TBC1D5: variants seen among roughly 807,000 people sequenced by gnomAD.
TBC1D5 encodes the protein TBC1 domain family member 5, also known as TBC1 domain family, member 5.
Under a neutral mutation model 100.3 loss-of-function variants are expected in TBC1D5, and 75 were observed. The ratio of observed to expected loss-of-function variants is 0.75; its 90% CI spans 0.62 to 0.91. TBC1D5 has a LOEUF of 0.91. TBC1D5 is among the 40% of genes least tolerant of loss of function. The pLI, the probability that TBC1D5 is intolerant of heterozygous loss-of-function variation, is 0.00. For synonymous variants in TBC1D5, 323 were observed against 325.6 expected, an observed-to-expected ratio of 0.99 and a Z score of 0.09; for missense variants, 910 against 942.4, an observed-to-expected ratio of 0.97 and a Z score of 0.45.
chr3:17,375,658 T>C (rs1444603368), intron 10 of TBC1D5, among the ~76,000 whole-genome samples: 1 of 151,918 alleles, frequency 6.6e-6, no homozygotes, highest in Non-Finnish European at 1.5e-5. Flanking sequence ...TATATGGTTA[T>C]ACTATTGTCA....
intron 2 of TBC1D5, among the ~76,000 whole-genome samples, chr3:17,578,509 T>C (rs1456536057): frequency 6.6e-6 from 1 of 152,046 alleles, no homozygotes; most frequent in Non-Finnish European, 1.5e-5. Context: ...CTTTAATCGG[T>C]GACTTCAATG....
chr3:17,483,911 AT>A (rs2095529244), intron 3 of TBC1D5, among the ~76,000 whole-genome samples: 1 of 152,236 alleles, frequency 6.6e-6, no homozygotes, highest in African/African-American at 2.4e-5. Flanking sequence ...CCCATACCTT[AT>A]TTAGTTCTTA....
At chr3:17,513,482 T>C (rs2095940651) in intron 2 of TBC1D5, among the ~76,000 whole-genome samples, 1 of 152,242 alleles carries the variant, frequency 6.6e-6, no homozygotes, top group Non-Finnish European at 1.5e-5. Context: ...GAAATGAATT[T>C]ATTCTGTCTG....
intron 2 of TBC1D5, among the ~76,000 whole-genome samples, chr3:17,604,697 T>C (rs999404475): frequency 6.6e-6 from 1 of 152,178 alleles, no homozygotes; most frequent in Non-Finnish European, 1.5e-5. Flanking sequence ...TGGTTTGGTT[T>C]TGAGACAGAG....
chr3:17,649,446 C>G (rs1329902276), intron 1 of TBC1D5, among the ~76,000 whole-genome samples: 5 of 152,060 alleles, frequency 3.3e-5, no homozygotes, highest in Admixed American at 6.6e-5. Flanking sequence ...TGTAACAAAT[C>G]TGCATGTACC....
chr3:17,713,250 T>C (rs1375462692), intron 1 of TBC1D5, among the ~76,000 whole-genome samples: 1 of 151,060 alleles, frequency 6.6e-6, no homozygotes, highest in African/African-American at 2.4e-5. Flanking sequence ...TTTTCTTTTT[T>C]TTTTTTTTTG....
chr3:17,564,406 G>C (rs901067548), intron 2 of TBC1D5, among the ~76,000 whole-genome samples: 2 of 151,970 alleles, frequency 1.3e-5, no homozygotes, highest in African/African-American at 2.4e-5. Context: ...GAAAACATTG[G>C]AGGCAAAAAT....
At position 17,265,046 on chromosome 3, in the gene TBC1D5, T is replaced by G. The variant is rs13324624; in HGVS notation, c.1246-6455A>C. On this transcript the variant is annotated intron_variant, in intron 15 of 21. Transcript: ENST00000253692. ...AAAAATATGAATGCTGGATCTCATG[T>G]GAGGAGAGAGGCTGTCTTATTTCTC... 9.8e-4 allele frequency among the ~76,000 whole-genome samples: 149 copies of G among 152,330 alleles called. 1 individual carries two copies. Among genetic ancestry groups the G allele is most frequent in the African/African-American group, 3.3e-3 (138 of 41,566 alleles).
intron 13 of TBC1D5, among the ~76,000 whole-genome samples, chr3:17,333,709 TGATG>T (rs2087224470): frequency 6.6e-6 from 1 of 151,964 alleles, no homozygotes; most frequent in African/African-American, 2.4e-5. Flanking sequence ...GGGCATAGCA[TGATG>T]GAAGGGGACC....
At chr3:17,423,845 G>A (rs1371536547) in intron 4 of TBC1D5, among the ~76,000 whole-genome samples, 6 of 152,088 alleles carry the variant, frequency 3.9e-5, no homozygotes. Context: ...AAACTAAGAT[G>A]AGGTACAAAA....
intron 1 of TBC1D5, among the ~76,000 whole-genome samples, chr3:17,734,287 G>A (rs973508082): frequency 2.0e-5 from 3 of 151,976 alleles, no homozygotes; most frequent in Non-Finnish European, 2.9e-5. Flanking sequence ...GAGGGGGAGA[G>A]AAATCCCATT....
At chr3:17,305,696 A>G (rs948917376) in intron 14 of TBC1D5, among the ~76,000 whole-genome samples, 1 of 152,188 alleles carries the variant, frequency 6.6e-6, no homozygotes, top group African/African-American at 2.4e-5. Flanking sequence ...CTATCAAGTT[A>G]TAAATATTTC....
At chr3:17,664,155 C>T (rs534158164) in intron 1 of TBC1D5, among the ~76,000 whole-genome samples, 15 of 152,262 alleles carry the variant, frequency 9.9e-5, no homozygotes, top group African/African-American at 3.6e-4. Context: ...CTGCAACCAC[C>T]ACCTCCCGGG....
exon 1 of TBC1D5, chr3:17,739,780 G>A (rs2077250871): frequency 1.3e-5 from 2 of 152,042 alleles, no homozygotes; most frequent in East Asian, 1.9e-4. Flanking sequence ...TGAGGCAGGC[G>A]GATTACTTGA....
chr3:17,178,699 C>T (rs911668288), intron 19 of TBC1D5, among the ~76,000 whole-genome samples: 1 of 152,278 alleles, frequency 6.6e-6, no homozygotes, highest in Middle Eastern at 3.4e-3. Context: ...CTCACCTAGA[C>T]TGGAGTGCAG....
chr3:17,291,906 T>G (rs1246604660), exon 15 of TBC1D5: 1 of 1,613,458 alleles, frequency 6.2e-7, no homozygotes, highest in Middle Eastern at 1.7e-4. Context: ...TTTGGATCTC[T>G]AAGGAACAGA....
At chr3:17,495,973 G>C (rs1462427452) in intron 3 of TBC1D5, among the ~76,000 whole-genome samples, 1 of 152,152 alleles carries the variant, frequency 6.6e-6, no homozygotes, top group African/African-American at 2.4e-5. Context: ...TCAGGCAATA[G>C]TGTTTACCTT....
At chr3:17,449,131 G>A (rs2094866102) in intron 3 of TBC1D5, among the ~76,000 whole-genome samples, 1 of 152,190 alleles carries the variant, frequency 6.6e-6, no homozygotes, top group Non-Finnish European at 1.5e-5. Context: ...GGAAGCCCAA[G>A]GAGTTGGGGA....
intron 2 of TBC1D5, among the ~76,000 whole-genome samples, chr3:17,547,999 A>G (rs2096435106): frequency 6.6e-6 from 1 of 152,220 alleles, no homozygotes; most frequent in South Asian, 2.1e-4. Flanking sequence ...TATAAGCCAT[A>G]TTCTAATCAA....
Sources: gnomAD v4.1 joint callset for allele counts (sites outside exome capture counted in the v4.1 genomes callset) on GRCh38, gnomAD v4.1.1 for gene constraint, MANE v1.5 for transcripts, NCBI Gene and HGNC (gene_info 2026-07-23, HGNC 2026-07-21) for gene names.